Variants in KCNMB2 observed in about 807,000 individuals in gnomAD.
KCNMB2 encodes the protein calcium-activated potassium channel subunit beta-2.
Under a neutral mutation model 24.5 loss-of-function variants are expected in KCNMB2, and 9 were observed. That is an observed-to-expected ratio of 0.37 (90% confidence interval 0.22 to 0.64). The LOEUF (loss-of-function observed/expected upper bound fraction) is 0.64. Ranked by LOEUF, KCNMB2 falls within the 30% of genes least tolerant of loss-of-function variation. KCNMB2 has a pLI of 0.63. For missense variants in KCNMB2, 226 were observed against 284.3 expected, an observed-to-expected ratio of 0.79 and a Z score of 1.47; for synonymous variants, 109 against 104.4, an observed-to-expected ratio of 1.04 and a Z score of -0.27.
At chr3:178,792,454 T>C (rs1713358473) in intron 1 of KCNMB2, among the ~76,000 whole-genome samples, 1 of 151,388 alleles carries the variant, frequency 6.6e-6, no homozygotes, top group Admixed American at 6.6e-5. Context: ...AGCATACCAC[T>C]AGAAAAAAAA....
At chr3:178,702,083 C>T (rs1577109826) in intron 1 of KCNMB2, among the ~76,000 whole-genome samples, 1 of 151,824 alleles carries the variant, frequency 6.6e-6, no homozygotes, top group Admixed American at 6.6e-5. Flanking sequence ...ACATATACAC[C>T]ATGGAATACT....
At chr3:178,671,732 A>C (rs1720906345) in intron 1 of KCNMB2, among the ~76,000 whole-genome samples, 1 of 152,188 alleles carries the variant, frequency 6.6e-6, no homozygotes, top group African/African-American at 2.4e-5. Context: ...GAAAACAAAG[A>C]GCCTAAGAAC....
At chr3:178,751,573 C>CAAAAAAAAAA (rs61148761) in intron 1 of KCNMB2, among the ~76,000 whole-genome samples, 2 of 47,712 alleles carry the variant, frequency 4.2e-5, no homozygotes, top group Non-Finnish European at 7.0e-5. Context: ...GACTCCGTCT[C>CAAAAAAAAAA]AAAAAAAAAA....
At chr3:178,651,285 A>C (rs962888938) in intron 1 of KCNMB2, among the ~76,000 whole-genome samples, 5 of 152,242 alleles carry the variant, frequency 3.3e-5, no homozygotes, top group African/African-American at 1.2e-4. Context: ...TTCACCAAAC[A>C]GAGAGCCAAA....
At chr3:178,651,311 C>T (rs1384614130) in intron 1 of KCNMB2, among the ~76,000 whole-genome samples, 1 of 152,148 alleles carries the variant, frequency 6.6e-6, no homozygotes, top group Non-Finnish European at 1.5e-5. Context: ...AGTGAACTCC[C>T]ATTCACAATT....
intron 2 of KCNMB2, among the ~76,000 whole-genome samples, chr3:178,814,393 G>A (rs1370737605): frequency 6.6e-6 from 1 of 152,128 alleles, no homozygotes; most frequent in African/African-American, 2.4e-5. Flanking sequence ...TTGATTCTAT[G>A]ACTTTACTAT....
At chr3:178,624,118 A>T (rs1203850332) in intron 1 of KCNMB2, among the ~76,000 whole-genome samples, 2 of 152,176 alleles carry the variant, frequency 1.3e-5, no homozygotes, top group Non-Finnish European at 2.9e-5. Flanking sequence ...TCCAAAGGAG[A>T]GCTGAGCTGA....
intron 1 of KCNMB2, among the ~76,000 whole-genome samples, chr3:178,679,803 C>A (rs756423148): frequency 1.4e-4 from 22 of 152,198 alleles, no homozygotes; most frequent in Non-Finnish European, 1.8e-4. Context: ...TTAAAAACTC[C>A]CTAGTGCAAT....
intron 1 of KCNMB2, among the ~76,000 whole-genome samples, chr3:178,553,439 G>T (rs1716023360): frequency 6.6e-6 from 1 of 151,864 alleles, no homozygotes; most frequent in Admixed American, 6.6e-5. Flanking sequence ...TCAAATGCAA[G>T]AAATGATGGG....
At chr3:178,709,318 G>A (rs1722378844) in intron 1 of KCNMB2, among the ~76,000 whole-genome samples, 1 of 152,232 alleles carries the variant, frequency 6.6e-6, no homozygotes, top group African/African-American at 2.4e-5. Flanking sequence ...CCAGGCAACA[G>A]TTTTCCTGCT....
At chr3:178,652,848 T>C (rs965649917) in intron 1 of KCNMB2, among the ~76,000 whole-genome samples, 9 of 151,852 alleles carry the variant, frequency 5.9e-5, no homozygotes, top group Non-Finnish European at 1.3e-4. Flanking sequence ...TATTTAATAG[T>C]GACGAGGTTT....
chr3:178,780,045 G>GT (rs1227616665), intron 1 of KCNMB2, among the ~76,000 whole-genome samples: 71 of 93,180 alleles, frequency 7.6e-4, no homozygotes, highest in African/African-American at 2.2e-3. Flanking sequence ...CCAATTAGTT[G>GT]TTTTTTTTAA....
At chr3:178,674,226 T>C (rs1720998224) in intron 1 of KCNMB2, among the ~76,000 whole-genome samples, 2 of 152,136 alleles carry the variant, frequency 1.3e-5, no homozygotes, top group Admixed American at 1.3e-4. Flanking sequence ...TGGATGACCT[T>C]ATCTAGTGCC....
intron 4 of KCNMB2, among the ~76,000 whole-genome samples, chr3:178,835,630 G>A (rs2108475146): frequency 6.6e-6 from 1 of 152,194 alleles, no homozygotes; most frequent in Admixed American, 6.5e-5. Context: ...TTCATTGTTT[G>A]GGAACACTAG....
At chr3:178,660,123 T>A (rs2108569837) in intron 1 of KCNMB2, among the ~76,000 whole-genome samples, 1 of 152,282 alleles carries the variant, frequency 6.6e-6, no homozygotes, top group African/African-American at 2.4e-5. Flanking sequence ...CAGTCCTGTA[T>A]CTGAATCCAT....
At chr3:178,568,812 TAGATAATAGATAGATAGATGATA>T (rs1461959768) in intron 1 of KCNMB2, among the ~76,000 whole-genome samples, 11 of 48,750 alleles carry the variant, frequency 2.3e-4, no homozygotes, top group African/African-American at 8.2e-4. Flanking sequence ...GATAGATAGA[TAGATAATAGATAGATAGATGATA>T]GATAGATAGA....
chr3:178,681,882 G>C (rs756776962), intron 1 of KCNMB2, among the ~76,000 whole-genome samples: 2 of 152,114 alleles, frequency 1.3e-5, no homozygotes, highest in Non-Finnish European at 2.9e-5. Flanking sequence ...AATGGTCTGC[G>C]GGGAGAGCAG....
intron 1 of KCNMB2, among the ~76,000 whole-genome samples, chr3:178,723,263 C>G (rs1234368057): frequency 6.6e-6 from 1 of 152,046 alleles, no homozygotes; most frequent in Non-Finnish European, 1.5e-5. Context: ...AAATATCCTG[C>G]TGGAATTTTG....
intron 1 of KCNMB2, among the ~76,000 whole-genome samples, chr3:178,657,507 G>A (rs183180809): frequency 2.2e-3 from 337 of 152,232 alleles, no homozygotes; most frequent in South Asian, 5.2e-3. Context: ...TACCTCAAAC[G>A]AGACCCTTTC....
Sources: gnomAD v4.1 joint callset for allele counts (sites outside exome capture counted in the v4.1 genomes callset) on GRCh38, gnomAD v4.1.1 for gene constraint, MANE v1.5 for transcripts, NCBI Gene and HGNC (gene_info 2026-07-23, HGNC 2026-07-21) for gene names.